Variants in SNTB1 observed in about 807,000 individuals in gnomAD.
The protein encoded by SNTB1 is beta-1-syntrophin.
Under a neutral mutation model 48.9 loss-of-function variants are expected in SNTB1, and 36 were observed. The ratio of observed to expected loss-of-function variants is 0.74; its 90% CI spans 0.56 to 0.97. The LOEUF (loss-of-function observed/expected upper bound fraction) is 0.97, where lower values mean the gene tolerates loss of function less well. Among genes scored for constraint, SNTB1 ranks in the 50% least tolerant of loss-of-function variants. The probability of loss-of-function intolerance (pLI) is 0.00; values close to 1 mark genes in which losing one functional copy is unlikely to be tolerated. For synonymous variants in SNTB1, 299 were observed against 294.6 expected, an observed-to-expected ratio of 1.01 and a Z score of -0.15; for missense variants, 786 against 703.4, an observed-to-expected ratio of 1.12 and a Z score of -1.33.
At chr8:120,775,475 A>C (rs951811187) in intron 1 of SNTB1, 10 of 152,116 alleles carry the variant, frequency 6.6e-5, no homozygotes, top group African/African-American at 2.4e-4. Context: ...ATGTGGGCCA[A>C]CCTCCATTGC....
At chr8:120,640,837 C>CT (rs1414642554) in intron 2 of SNTB1, among the ~76,000 whole-genome samples, 2 of 151,724 alleles carry the variant, frequency 1.3e-5, no homozygotes, top group South Asian at 2.1e-4. Context: ...GTCTAAAATT[C>CT]TTTTTTTTGT....
rs186520372 is a variant in SNTB1 at position 120,557,617 on chromosome 8, A to G, written c.1137-8659T>C. On this transcript the variant is annotated intron_variant, in intron 4 of 6. Transcript: ENST00000517992. ...CTTTGATCTCTTTCTGGAGATAGGC[A>G]TCCCTCCTCTGTATTCCCACACATC... Among the ~76,000 whole-genome samples, 98 of 152,298 alleles carry G rather than the reference A, an allele frequency of 6.4e-4. 3 individuals are homozygous for G. In the East Asian group the frequency reaches 0.018, roughly 28 times the overall value.
intron 1 of SNTB1, among the ~76,000 whole-genome samples, chr8:120,793,752 C>A (rs1820076752): frequency 6.6e-6 from 1 of 151,906 alleles, no homozygotes; most frequent in Non-Finnish European, 1.5e-5. Context: ...TTTTAAAAAT[C>A]CTATTTATTT....
At position 120,811,603 on chromosome 8, in the gene SNTB1, C is replaced by A; in HGVS notation, c.241G>T (p.Gly81Cys). 6.4e-7 allele frequency: 1 copy of A among 1,573,998 alleles called. No homozygotes were observed. The highest frequency in any genetic ancestry group is 8.6e-7 in the Non-Finnish European group (1 of 1,164,260). ...GAGAGHPGAG[G>C]AQPPDSPAGV... Reference sequence around the variant, plus strand: ...GCGGGCGAGTCCGGGGGCTGCGCGCCGCCCGCGCCCGGGTGCCCAGCCCCG... The same window carrying A: ...GCGGGCGAGTCCGGGGGCTGCGCGCAGCCCGCGCCCGGGTGCCCAGCCCCG... Residue 81 changes from glycine to cysteine, a missense_variant, in exon 1 of 7, where the codon GGC becomes TGC. Gly to Cys is a radical substitution (Grantham distance 159). Transcript: ENST00000517992.
chr8:120,654,930 G>A (rs773499328), intron 2 of SNTB1: 3 of 455,372 alleles, frequency 6.6e-6, no homozygotes, highest in African/African-American at 6.0e-5. Flanking sequence ...TAGTCAGGAG[G>A]ATGAAGTCTT....
In SNTB1 at chr8:120,541,973, C is replaced by T. The variant is rs142514563; in HGVS notation, c.1361G>A (p.Arg454His). Residue 454 changes from arginine to histidine, a missense_variant, in exon 6 of 7, where the codon CGT becomes CAT. Arg to His is a conservative substitution (Grantham distance 29). Transcript: ENST00000517992. ...TCCATTCTCATAATGTATGGTCAAA[C>T]GGCACTCCTGGTTTTTGTAGGTGCA... Reference protein sequence around the residue: ...TACTYKNQECRLTIHYENGFS... With the variant: ...TACTYKNQECHLTIHYENGFS... 115 of 1,613,638 alleles carry T rather than the reference C, an allele frequency of 7.1e-5. No individual in the cohort carries two copies. In the East Asian group the frequency reaches 1.0e-3, roughly 14 times the overall value.
rs1815201995 is a variant in SNTB1 at position 120,536,297 on chromosome 8, G to T, written c.*2580C>A. On this transcript the variant is annotated 3_prime_UTR_variant, in exon 7 of 7. Coordinates refer to ENST00000517992, the MANE Select transcript of SNTB1 (RefSeq NM_021021.4). ...TTCATTTATATTGGTTTTCATTTGG[G>T]GACAAACATTGTAAATTTAATAATT... is the stretch of plus-strand genomic sequence containing the variant. 6.6e-6 allele frequency: 1 copy of T among 152,054 alleles called. No individual in the cohort carries two copies. Among genetic ancestry groups the T allele is most frequent in the South Asian group, 2.1e-4 (1 of 4,824 alleles). The allele number at this position is 152,054 out of a possible 1,614,324, so 9.4% of individuals were successfully genotyped here. A position where few individuals can be genotyped will look rare whatever the true frequency, so the allele number is the denominator to read the frequency against.
intron 2 of SNTB1, among the ~76,000 whole-genome samples, chr8:120,683,577 T>C (rs1817975067): frequency 6.6e-6 from 1 of 151,628 alleles, no homozygotes; most frequent in Admixed American, 6.6e-5. Context: ...GTGGGTCAGG[T>C]AGTGGTGGGT....
chr8:120,641,078 A>T (rs542266585), intron 2 of SNTB1, among the ~76,000 whole-genome samples: 1 of 152,042 alleles, frequency 6.6e-6, no homozygotes, highest in South Asian at 2.1e-4. Context: ...ATAGCCAAAG[A>T]CTTAATAATT....
intron 2 of SNTB1, among the ~76,000 whole-genome samples, chr8:120,669,398 T>G (rs1370818396): frequency 6.6e-6 from 1 of 152,072 alleles, no homozygotes. Context: ...GGATGAGAGA[T>G]TAGTTTGGTG....
intron 1 of SNTB1, among the ~76,000 whole-genome samples, chr8:120,780,142 C>T (rs1235664891): frequency 6.7e-6 from 1 of 149,342 alleles, no homozygotes; most frequent in Non-Finnish European, 1.5e-5. Context: ...AGTGCTATCA[C>T]AAAGCCAACA....
At chr8:120,574,875 G>A (rs970620711) in intron 4 of SNTB1, among the ~76,000 whole-genome samples, 1 of 152,106 alleles carries the variant, frequency 6.6e-6, no homozygotes, top group African/African-American at 2.4e-5. Flanking sequence ...GATGATGGAC[G>A]GTATTTTGTT....
At chr8:120,745,391 T>C (rs114878876) in intron 1 of SNTB1, among the ~76,000 whole-genome samples, 209 of 152,184 alleles carry the variant, frequency 1.4e-3, no homozygotes, top group African/African-American at 5.0e-3. Context: ...TTGCCCGATA[T>C]AGCCCCATCC....
chr8:120,654,451 C>G (rs150039544), intron 2 of SNTB1, among the ~76,000 whole-genome samples: 87 of 152,262 alleles, frequency 5.7e-4, no homozygotes, highest in Non-Finnish European at 9.6e-4. Context: ...CGATAAAGTT[C>G]TCTTTTAATT....
chr8:120,623,101 C>T (rs1219828106), intron 3 of SNTB1, among the ~76,000 whole-genome samples: 1 of 152,158 alleles, frequency 6.6e-6, no homozygotes, highest in Non-Finnish European at 1.5e-5. Flanking sequence ...TTCTGTTTAC[C>T]TTCCTCTGCA....
At chr8:120,645,954 G>A (rs1268933607) in intron 2 of SNTB1, among the ~76,000 whole-genome samples, 1,886 of 144,012 alleles carry the variant, frequency 0.013, 51 homozygotes, top group African/African-American at 0.046. Context: ...CTCATGATTT[G>A]GCTCTCTGTT....
chr8:120,608,385 A>C (rs1816560660), intron 3 of SNTB1, among the ~76,000 whole-genome samples: 1 of 152,196 alleles, frequency 6.6e-6, no homozygotes, highest in Admixed American at 6.5e-5. Flanking sequence ...CAGGGTCTTC[A>C]AAGAGGTATT....
At chr8:120,806,557 T>C (rs1434827649) in intron 1 of SNTB1, among the ~76,000 whole-genome samples, 2 of 152,236 alleles carry the variant, frequency 1.3e-5, no homozygotes, top group East Asian at 1.9e-4. Flanking sequence ...AGTTAGGCTA[T>C]GTTATTTGTG....
chr8:120,590,382 C>T (rs1366764151), intron 3 of SNTB1, among the ~76,000 whole-genome samples: 1 of 152,156 alleles, frequency 6.6e-6, no homozygotes, highest in African/African-American at 2.4e-5. Context: ...TACCTAGTAT[C>T]AGCCTGATTT....
Sources: gnomAD v4.1 joint callset for allele counts (sites outside exome capture counted in the v4.1 genomes callset) on GRCh38, gnomAD v4.1.1 for gene constraint, MANE v1.5 for transcripts, NCBI Gene and HGNC (gene_info 2026-07-23, HGNC 2026-07-21) for gene names.